The following RUNX1T1 variants were observed in gnomAD, a reference collection of about 807,000 sequenced individuals.
RUNX1T1 encodes the protein protein CBFA2T1.
Under a neutral mutation model 62.8 loss-of-function variants are expected in RUNX1T1, and 4 were observed. The observed-to-expected ratio is 0.06, with a 90% CI of 0.03 to 0.15. The LOEUF (loss-of-function observed/expected upper bound fraction) is 0.15, where lower values mean the gene tolerates loss of function less well. RUNX1T1 is among the 10% of genes least tolerant of loss of function. The pLI is 1.00. For missense variants in RUNX1T1, 508 were observed against 754.3 expected, an observed-to-expected ratio of 0.67 and a Z score of 3.82; for synonymous variants, 291 against 286.0, an observed-to-expected ratio of 1.02 and a Z score of -0.18.
intron 1 of RUNX1T1, among the ~76,000 whole-genome samples, chr8:92,022,189 T>C (rs1824243949): frequency 6.6e-6 from 1 of 152,064 alleles, no homozygotes; most frequent in Non-Finnish European, 1.5e-5. Flanking sequence ...ATAGTTACAT[T>C]TCTAACTATT....
At chr8:91,989,240 C>T (rs375770954) in intron 6 of RUNX1T1, among the ~76,000 whole-genome samples, 5 of 152,128 alleles carry the variant, frequency 3.3e-5, no homozygotes, top group Non-Finnish European at 7.4e-5. Context: ...ATTTATAAAT[C>T]GTACCAGACT....
intron 10 of RUNX1T1, among the ~76,000 whole-genome samples, chr8:91,967,927 T>C: frequency 6.6e-6 from 1 of 152,184 alleles, no homozygotes; most frequent in East Asian, 1.9e-4. Context: ...AATACTGTGA[T>C]TTTTTAAAAA....
intron 10 of RUNX1T1, among the ~76,000 whole-genome samples, chr8:91,967,165 T>C (rs1811808176): frequency 1.3e-5 from 2 of 152,198 alleles, no homozygotes; most frequent in South Asian, 2.1e-4. Context: ...AAGCACTTCA[T>C]ACCATGCCTG....
chr8:92,090,085 T>C (rs572593330), intron 1 of RUNX1T1, among the ~76,000 whole-genome samples: 18 of 151,864 alleles, frequency 1.2e-4, no homozygotes, highest in Non-Finnish European at 2.2e-4. Context: ...GAAATTTGCC[T>C]GAGGGCTGGA....
intron 6 of RUNX1T1, among the ~76,000 whole-genome samples, chr8:91,991,107 T>TA (rs1046350134): frequency 3.9e-5 from 6 of 151,940 alleles, no homozygotes; most frequent in African/African-American, 9.6e-5. Flanking sequence ...CATTTTCAAG[T>TA]AAAAAAAAGT....
chr8:92,053,944 GA>G (rs1262853735), intron 1 of RUNX1T1, among the ~76,000 whole-genome samples: 1 of 152,040 alleles, frequency 6.6e-6, no homozygotes, highest in Non-Finnish European at 1.5e-5. Flanking sequence ...GTGAAGAAAA[GA>G]AGCTGTATCT....
At chr8:92,047,704 T>G (rs953910018) in intron 1 of RUNX1T1, among the ~76,000 whole-genome samples, 4 of 151,442 alleles carry the variant, frequency 2.6e-5, no homozygotes, top group African/African-American at 9.7e-5. Context: ...TTATGAAACA[T>G]GCATCATCCA....
intron 1 of RUNX1T1, among the ~76,000 whole-genome samples, chr8:92,086,898 C>A (rs1314975692): frequency 6.6e-6 from 1 of 152,224 alleles, no homozygotes; most frequent in Non-Finnish European, 1.5e-5. Context: ...ACTGCAGCAA[C>A]AAGCTTCTCG....
chr8:92,044,909 A>G (rs1829122878), intron 1 of RUNX1T1, among the ~76,000 whole-genome samples: 1 of 152,134 alleles, frequency 6.6e-6, no homozygotes, highest in South Asian at 2.1e-4. Flanking sequence ...TAATTCCACT[A>G]TGAGGAAGCT....
chr8:92,101,275 G>C (rs1440411367), upstream of RUNX1T1, among the ~76,000 whole-genome samples: 1 of 152,116 alleles, frequency 6.6e-6, no homozygotes, highest in African/African-American at 2.4e-5. Context: ...CAGCAGCTGC[G>C]GACAGCCATT....
exon 2 of RUNX1T1, chr8:92,017,280 G>A (rs1419478446): frequency 1.2e-6 from 2 of 1,613,926 alleles, no homozygotes; most frequent in East Asian, 2.2e-5. Flanking sequence ...GTTGGGGGAG[G>A]TGGCATTGTT....
chr8:92,093,836 G>T (rs1837392573), intron 1 of RUNX1T1, among the ~76,000 whole-genome samples: 1 of 152,198 alleles, frequency 6.6e-6, no homozygotes, highest in Admixed American at 6.5e-5. Context: ...AAATATGCAA[G>T]ATCTATGGCT....
intron 10 of RUNX1T1, among the ~76,000 whole-genome samples, chr8:91,965,888 G>C (rs1013329731): frequency 6.6e-6 from 1 of 151,870 alleles, no homozygotes; most frequent in Non-Finnish European, 1.5e-5. Context: ...TAGACACACT[G>C]CTCATTTGTA....
chr8:92,062,352 T>C (rs1321646136), intron 1 of RUNX1T1, among the ~76,000 whole-genome samples: 1 of 152,220 alleles, frequency 6.6e-6, no homozygotes, highest in African/African-American at 2.4e-5. Flanking sequence ...CTCCACACCC[T>C]GTACCCCTCC....
intron 1 of RUNX1T1, among the ~76,000 whole-genome samples, chr8:92,077,894 T>C (rs757013801): frequency 6.6e-6 from 1 of 152,100 alleles, no homozygotes; most frequent in Non-Finnish European, 1.5e-5. Flanking sequence ...AAAATTACCA[T>C]GTGATAAACT....
At chr8:92,031,288 G>A (rs949434694) in intron 1 of RUNX1T1, among the ~76,000 whole-genome samples, 4 of 151,980 alleles carry the variant, frequency 2.6e-5, no homozygotes, top group East Asian at 1.9e-4. Context: ...TAACATAGTC[G>A]GGTGTCCATT....
At chr8:92,009,470 A>C (rs1586972630) in intron 4 of RUNX1T1, among the ~76,000 whole-genome samples, 2 of 152,324 alleles carry the variant, frequency 1.3e-5, no homozygotes, top group East Asian at 3.9e-4. Flanking sequence ...ATCCCAACTA[A>C]ATGATATGGT....
chr8:91,986,461 T>C (rs950661480), intron 7 of RUNX1T1, 136 bp from the exon 9 acceptor site: 2 of 666,502 alleles, frequency 3.0e-6, no homozygotes, highest in African/African-American at 3.6e-5. Context: ...TAGTATTTTC[T>C]ATGACTAGAT....
rs147401117 is a variant in RUNX1T1 at position 92,082,581 on chromosome 8, A to C, written c.-85-6444T>G. Among the ~76,000 whole-genome samples, 174 of 152,278 alleles carry C rather than the reference A, an allele frequency of 1.1e-3. 1 individual carries two copies. The highest frequency in any genetic ancestry group is 4.0e-3 in the African/African-American group (165 of 41,554). Reference sequence around the variant, plus strand: ...ATTGTCCAGTCACTTGCATTAAGAAACTGAAGGCTGCACTGCCGAAACTGT... The same window carrying C: ...ATTGTCCAGTCACTTGCATTAAGAACCTGAAGGCTGCACTGCCGAAACTGT... On this transcript the variant is annotated intron_variant, in intron 1 of 11. Coordinates refer to the RUNX1T1 transcript ENST00000265814.
Sources: gnomAD v4.1 joint callset for allele counts (sites outside exome capture counted in the v4.1 genomes callset) on GRCh38, gnomAD v4.1.1 for gene constraint, MANE v1.5 for transcripts, NCBI Gene and HGNC (gene_info 2026-07-23, HGNC 2026-07-21) for gene names.